PVT1: variants seen among roughly 807,000 people sequenced by gnomAD.
PVT1 encodes the protein CXCR4/PVT1 fusion.
chr8:128,088,536 G>A (rs910934342), intron 5 of PVT1, among the ~76,000 whole-genome samples: 1 of 152,242 alleles, frequency 6.6e-6, no homozygotes, highest in Admixed American at 6.5e-5. Flanking sequence ...TTCGGGGATT[G>A]TCTACCTACT....
intron 4 of PVT1, among the ~76,000 whole-genome samples, chr8:128,043,987 C>A (rs573512862): frequency 2.6e-4 from 39 of 147,876 alleles, no homozygotes; most frequent in African/African-American, 9.7e-4. Context: ...CCATCACACC[C>A]GGTTAATTTT....
At chr8:127,887,931 G>GTT (rs560976785) in intron 2 of PVT1, among the ~76,000 whole-genome samples, 9,889 of 66,534 alleles carry the variant, frequency 0.15, 4,136 homozygotes, top group African/African-American at 0.21. Context: ...ACTCTATCTT[G>GTT]TTTTTTTTTT....
intron 2 of PVT1, among the ~76,000 whole-genome samples, chr8:127,871,490 C>T (rs1158465171): frequency 2.2e-4 from 33 of 152,122 alleles, no homozygotes; most frequent in Admixed American, 1.4e-3. Context: ...GGAAGGGATG[C>T]GCTGGACTCC....
At chr8:127,914,258 A>G (rs1219444636) in intron 3 of PVT1, among the ~76,000 whole-genome samples, 3 of 113,402 alleles carry the variant, frequency 2.6e-5, no homozygotes, top group Non-Finnish European at 5.3e-5. Context: ...CACCACCAAC[A>G]GCAAAAAAAA....
chr8:128,023,578 A>C (rs7009991), intron 4 of PVT1, among the ~76,000 whole-genome samples: 23,531 of 152,164 alleles, frequency 0.15, 4,230 homozygotes, highest in African/African-American at 0.44. Flanking sequence ...TGCCTGATAC[A>C]TCAACTACTT....
intron 3 of PVT1, chr8:127,932,766 G>GTAGATA: frequency 3.3e-6 from 1 of 301,106 alleles, no homozygotes; most frequent in Non-Finnish European, 6.0e-6. Context: ...CTGATATATA[G>GTAGATA]TAGATATACA....
At chr8:127,975,005 C>A (rs1196957089) in intron 3 of PVT1, among the ~76,000 whole-genome samples, 1 of 152,122 alleles carries the variant, frequency 6.6e-6, no homozygotes, top group African/African-American at 2.4e-5. Context: ...TACAAATGAT[C>A]ATTTTTAGAG....
At chr8:127,993,303 C>A (rs1042401354) in intron 4 of PVT1, among the ~76,000 whole-genome samples, 6 of 152,358 alleles carry the variant, frequency 3.9e-5, no homozygotes, top group Admixed American at 2.6e-4. Context: ...GTGATGTCTG[C>A]AATGCACTAG....
Position 128,044,691 on chromosome 8 carries a change from A to C in PVT1, n.913-25469A>C, listed in dbSNP as rs540871332. Among the ~76,000 whole-genome samples the C allele has an allele frequency of 6.6e-5, 10 of 152,390 alleles. No homozygotes were observed. The East Asian group carries it at 1.9e-3, about 29-fold the overall frequency. On this transcript the variant is annotated intron_variant and non_coding_transcript_variant, in intron 4 of 10. Transcript: ENST00000651587. Reference sequence around the variant, plus strand: ...AGAAAGATCCTTACCTTGAGGAGATAGCAAGGATTTGAGATGTTCAATATA... The same window carrying C: ...AGAAAGATCCTTACCTTGAGGAGATCGCAAGGATTTGAGATGTTCAATATA...
intron 4 of PVT1, among the ~76,000 whole-genome samples, chr8:128,046,004 C>G (rs1418509243): frequency 6.6e-6 from 1 of 152,194 alleles, no homozygotes; most frequent in Admixed American, 6.5e-5. Context: ...TTGAGGACCA[C>G]AGTCTTAGAG....
At chr8:127,801,511 G>A (rs1424990098) in intron 2 of PVT1, among the ~76,000 whole-genome samples, 7 of 152,172 alleles carry the variant, frequency 4.6e-5, no homozygotes, top group African/African-American at 1.7e-4. Context: ...AAAGTGTTGG[G>A]ATTACAGGTG....
intron 3 of PVT1, among the ~76,000 whole-genome samples, chr8:127,968,998 A>C (rs1227940712): frequency 6.6e-6 from 1 of 152,180 alleles, no homozygotes; most frequent in East Asian, 1.9e-4. Flanking sequence ...TGCAGCCTCC[A>C]GAACAGTGAG....
At chr8:128,048,081 T>G (rs1813642118) in intron 4 of PVT1, among the ~76,000 whole-genome samples, 1 of 152,166 alleles carries the variant, frequency 6.6e-6, no homozygotes, top group South Asian at 2.1e-4. Context: ...ATCAGTTACG[T>G]GAACTTCTGC....
chr8:127,921,492 C>T (rs1039528186), intron 3 of PVT1, among the ~76,000 whole-genome samples: 6 of 152,136 alleles, frequency 3.9e-5, no homozygotes, highest in Admixed American at 2.6e-4. Flanking sequence ...GTACACAACT[C>T]AGCAAATTAG....
chr8:127,796,772 A>G (rs574970375), intron 2 of PVT1, among the ~76,000 whole-genome samples: 1 of 149,752 alleles, frequency 6.7e-6, no homozygotes, highest in Non-Finnish European at 1.5e-5. Flanking sequence ...CCCCTTTGCT[A>G]TTTGTTTTAT....
chr8:127,995,751 T>TTTACA (rs1817096991), intron 4 of PVT1, among the ~76,000 whole-genome samples: 1 of 152,180 alleles, frequency 6.6e-6, no homozygotes, highest in African/African-American at 2.4e-5. Context: ...TTTCAAGCAC[T>TTTACA]TTACATTATA....
At chr8:128,019,696 G>A (rs1421935210) in intron 4 of PVT1, among the ~76,000 whole-genome samples, 1 of 152,170 alleles carries the variant, frequency 6.6e-6, no homozygotes, top group Non-Finnish European at 1.5e-5. Flanking sequence ...AGCATGTGCA[G>A]ATTCACTTAG....
chr8:128,084,770 T>A (rs1469501528), intron 5 of PVT1, among the ~76,000 whole-genome samples: 2 of 152,234 alleles, frequency 1.3e-5, no homozygotes, highest in Non-Finnish European at 2.9e-5. Context: ...ATGTTCTGAA[T>A]AATGGGAGCA....
At chr8:127,919,583 T>C (rs1207322539) in intron 3 of PVT1, among the ~76,000 whole-genome samples, 4 of 152,190 alleles carry the variant, frequency 2.6e-5, no homozygotes, top group African/African-American at 7.2e-5. Flanking sequence ...TCCGGCTCTA[T>C]TGGCGACTGT....
Sources: allele counts gnomAD v4.1 joint callset (sites outside exome capture counted in the v4.1 genomes callset), GRCh38; gene constraint gnomAD v4.1.1; transcripts MANE v1.5; gene names NCBI Gene and HGNC (gene_info 2026-07-23, HGNC 2026-07-21).